PCDHGA6: variants seen among roughly 807,000 people sequenced by gnomAD.
PCDHGA6 encodes the protein protocadherin gamma subfamily A, 6.
Under a neutral mutation model 60.6 loss-of-function variants are expected in PCDHGA6, and 41 were observed. The observed-to-expected ratio is 0.68, with a 90% confidence interval of 0.53 to 0.88. The LOEUF (loss-of-function observed/expected upper bound fraction) is 0.88. Among genes scored for constraint, PCDHGA6 ranks in the 40% least tolerant of loss-of-function variants. PCDHGA6 has a pLI of 0.00. For missense variants in PCDHGA6, 1,312 were observed against 1,203.0 expected (o/e 1.09, Z -1.34); for synonymous variants, 594 against 524.4 (o/e 1.13, Z -1.81).
At chr5:141,417,423 C>T (rs1252792899) in intron 1 of PCDHGA6, 1 of 159,686 alleles carries the variant, frequency 6.3e-6, no homozygotes, top group African/African-American at 2.4e-5. Context: ...TATGTAAATT[C>T]AGTAAATAAA....
intron 1 of PCDHGA6, among the ~76,000 whole-genome samples, chr5:141,407,684 G>C (rs2094967978): frequency 6.6e-6 from 1 of 152,094 alleles, no homozygotes; most frequent in South Asian, 2.1e-4. Flanking sequence ...GATTGGCTTT[G>C]TGGTGATCAT....
At chr5:141,404,806 G>T (rs774487660) in intron 1 of PCDHGA6, 2 of 1,613,992 alleles carry the variant, frequency 1.2e-6, no homozygotes, top group South Asian at 1.1e-5. Context: ...GGCTCTTCTC[G>T]GTGGGGCTGC....
At position 141,409,805 on chromosome 5, in the gene PCDHGA6, C is replaced by A. The variant is rs751397816; in HGVS notation, c.2424+33298C>A. On this transcript the variant is annotated intron_variant, in intron 1 of 3. Transcript: ENST00000517434. ...CGCCTTCGCGCTCACGCTGCAGGCC[C>A]GCGACCACGGCTCGCCCACGCTCAG... is the stretch of plus-strand genomic sequence containing the variant. 14 of 1,611,512 alleles carry A rather than the reference C, an allele frequency of 8.7e-6. No homozygotes were observed. Among genetic ancestry groups the A allele is most frequent in the Middle Eastern group, 1.6e-4 (1 of 6,072 alleles).
At chr5:141,384,596 C>T in intron 1 of PCDHGA6, 1 of 1,614,240 alleles carries the variant, frequency 6.2e-7, no homozygotes. Context: ...CTGTACCCGG[C>T]CCTCCCCACA....
chr5:141,393,250 C>G, intron 1 of PCDHGA6: 11 of 1,613,824 alleles, frequency 6.8e-6, no homozygotes, highest in South Asian at 1.1e-5. Flanking sequence ...AACGAAATCG[C>G]GGTTCCTGGA....
At chr5:141,410,413 T>C (rs1229133377) in intron 1 of PCDHGA6, 10 of 1,613,938 alleles carry the variant, frequency 6.2e-6, no homozygotes, top group Non-Finnish European at 8.5e-6. Context: ...AGTCTGGACC[T>C]GTAGTTCCCC....
rs1048686904 is a variant in PCDHGA6, at chr5:141,410,286, C to T, written c.2424+33779C>T. 3.7e-6 allele frequency: 6 copies of T among 1,613,916 alleles called. No homozygotes were observed. The African/African-American group carries it at 6.7e-5, about 18-fold the overall frequency. On this transcript the variant is annotated intron_variant, in intron 1 of 3. Transcript: ENST00000517434. Reference sequence around the variant, plus strand: ...GAACTGCAGTTTTACCTGGTGGTGGCCTTGGCCTTAATCTCAGTGCTCTTC... The same window carrying T: ...GAACTGCAGTTTTACCTGGTGGTGGTCTTGGCCTTAATCTCAGTGCTCTTC...
chr5:141,503,812 G>C (rs2099831825), intron 2 of PCDHGA6, among the ~76,000 whole-genome samples: 1 of 152,114 alleles, frequency 6.6e-6, no homozygotes, highest in South Asian at 2.1e-4. Context: ...GGGAATCCCA[G>C]ATTGGGCAAA....
At chr5:141,381,657 C>A (rs1224064730) in intron 1 of PCDHGA6, among the ~76,000 whole-genome samples, 1 of 152,134 alleles carries the variant, frequency 6.6e-6, no homozygotes, top group Non-Finnish European at 1.5e-5. Context: ...AAATGGGTTG[C>A]TTCTATAGCT....
At chr5:141,435,010 G>A (rs2097736933) in intron 1 of PCDHGA6, among the ~76,000 whole-genome samples, 1 of 151,950 alleles carries the variant, frequency 6.6e-6, no homozygotes, top group Non-Finnish European at 1.5e-5. Flanking sequence ...ATTTATCAAT[G>A]ATAATGCTCT....
chr5:141,488,915 G>A (rs942297924), intron 1 of PCDHGA6, among the ~76,000 whole-genome samples: 12 of 152,180 alleles, frequency 7.9e-5, no homozygotes, highest in Non-Finnish European at 2.9e-5. Flanking sequence ...TGTTCCCAAG[G>A]TTTCCAGGAT....
At chr5:141,389,918 C>T (rs1341057088) in intron 1 of PCDHGA6, 1 of 1,614,086 alleles carries the variant, frequency 6.2e-7, no homozygotes, top group Non-Finnish European at 8.5e-7. Context: ...ACCGCCCCGA[C>T]CCCTCTGACC....
chr5:141,447,979 G>A (rs888759756), intron 1 of PCDHGA6, among the ~76,000 whole-genome samples: 15 of 151,814 alleles, frequency 9.9e-5, no homozygotes, highest in Admixed American at 5.9e-4. Context: ...CCAGCTACTC[G>A]GGAGGCTGAG....
rs1481171398 is a variant in PCDHGA6 at position 141,455,879 on chromosome 5, ATTT to A, written c.2425-38927_2425-38925del. 3.8e-4 allele frequency among the ~76,000 whole-genome samples: 56 copies of A among 147,786 alleles called. No individual in the cohort carries two copies. In the East Asian group the frequency reaches 8.9e-3, roughly 23 times the overall value. On this transcript the variant is annotated intron_variant, in intron 1 of 3. Coordinates refer to ENST00000517434, the MANE Select transcript of PCDHGA6 (RefSeq NM_018919.3). ...TCTTTTATTATTTATTTATTTATTTATTTATTTATTTATTTATTTATTTATTTA... is the reference window on the plus strand; with the variant it reads ...TCTTTTATTATTTATTTATTTATTTAATTTATTTATTTATTTATTTATTTA...
chr5:141,429,377 G>T (rs1029180912), intron 1 of PCDHGA6, among the ~76,000 whole-genome samples: 1 of 149,434 alleles, frequency 6.7e-6, no homozygotes, highest in African/African-American at 2.5e-5. Context: ...GAGAAAATGT[G>T]TTTTTTTTTT....
chr5:141,413,207 C>CA lies in PCDHGA6; in HGVS notation c.2424+36703dup, dbSNP rs753988593. On this transcript the variant is annotated intron_variant, in intron 1 of 3. Transcript: ENST00000517434. The stretch of plus-strand genomic sequence containing the variant: ...GCTCAAAGGAATCGCTCAAAGGAAT[C>CA]AAAGGATTGCAGCGGGCTGGTCCTG... The CA allele has an allele frequency of 1.7e-5, 27 of 1,612,874 alleles. No homozygotes were observed. In the East Asian group the frequency reaches 6.0e-4, roughly 36 times the overall value.
chr5:141,402,857 A>G, intron 1 of PCDHGA6: 2 of 1,425,270 alleles, frequency 1.4e-6, no homozygotes, highest in Non-Finnish European at 1.8e-6. Context: ...CTTTCTTCTA[A>G]GGAAAAGATC....
At chr5:141,466,325 C>T (rs1252026939) in intron 1 of PCDHGA6, among the ~76,000 whole-genome samples, 3 of 152,108 alleles carry the variant, frequency 2.0e-5, no homozygotes, top group African/African-American at 7.2e-5. Context: ...CACATGCTAC[C>T]ATGCCTGGAT....
At chr5:141,449,818 A>G (rs1446661913) in intron 1 of PCDHGA6, among the ~76,000 whole-genome samples, 2 of 151,708 alleles carry the variant, frequency 1.3e-5, no homozygotes, top group Non-Finnish European at 2.9e-5. Flanking sequence ...GTATTTCCTA[A>G]CAAGGACATT....
Sources: gnomAD v4.1 joint callset for allele counts (sites outside exome capture counted in the v4.1 genomes callset) on GRCh38, gnomAD v4.1.1 for gene constraint, MANE v1.5 for transcripts, NCBI Gene and HGNC (gene_info 2026-07-23, HGNC 2026-07-21) for gene names.